DOCK4: variants seen among roughly 807,000 people sequenced by gnomAD.
DOCK4 encodes dedicator of cytokinesis protein 4.
In DOCK4, 97 loss-of-function variants were observed where a neutral mutation model predicts 268.1. The ratio of observed to expected loss-of-function variants is 0.36; its 90% CI spans 0.31 to 0.43. The LOEUF is 0.43. Among genes scored for constraint, DOCK4 ranks in the 20% least tolerant of loss-of-function variants. DOCK4 has a pLI of 1.00. For missense variants in DOCK4, 2,145 were observed against 2,455.7 expected (o/e 0.87, Z 2.67); for synonymous variants, 954 against 887.2 (o/e 1.08, Z -1.34).
intron 8 of DOCK4, among the ~76,000 whole-genome samples, chr7:111,950,047 C>T (rs1462539102): frequency 6.6e-6 from 1 of 152,224 alleles, no homozygotes; most frequent in Non-Finnish European, 1.5e-5. Context: ...CTGCCTCAGC[C>T]TCCAGAGTAG....
chr7:111,945,597 T>C, intron 9 of DOCK4, 120 bp downstream of exon 9: 1 of 789,912 alleles, frequency 1.3e-6, no homozygotes. Context: ...AATTTGTGTG[T>C]TATTTACATA....
intron 36 of DOCK4, among the ~76,000 whole-genome samples, chr7:111,776,482 T>C (rs1410838596): frequency 6.6e-6 from 1 of 152,072 alleles, no homozygotes; most frequent in Admixed American, 6.6e-5. Flanking sequence ...TAGACATTAG[T>C]GATCTGAAAA....
rs1562905619 is a variant in DOCK4, at chr7:111,933,313, T to TTG, written c.1066+2226_1066+2227insCA. On this transcript the variant is annotated intron_variant, in intron 12 of 52. Coordinates refer to ENST00000428084, the MANE Select transcript of DOCK4 (RefSeq NM_001363540.2). The stretch of plus-strand genomic sequence containing the variant: ...ATATATATATATTTTTTTTTTTTTT[T>TTG]GAGATGGAGTCTCTCTCTGTCGCCA... 1.7e-3 allele frequency among the ~76,000 whole-genome samples: 243 copies of TTG among 139,776 alleles called. 3 individuals carry two copies. The highest frequency in any genetic ancestry group is 3.0e-3 in the Admixed American group (41 of 13,858). 91.7% of individuals were successfully genotyped at this position (139,776 alleles called of 152,430 possible).
chr7:111,738,458 T>A (rs1795663470), intron 49 of DOCK4, among the ~76,000 whole-genome samples: 1 of 152,182 alleles, frequency 6.6e-6, no homozygotes, highest in East Asian at 1.9e-4. Context: ...TCAAGGGTAT[T>A]TTCCTAGTTT....
rs1414024680 is a variant in DOCK4, at chr7:112,199,711, A to G, written c.37+6391T>C. On this transcript the variant is annotated intron_variant, in intron 1 of 52. Transcript: ENST00000428084. ...AACATAAAAAAAGGTACAAAAGAATAGTGAGTGGTAAACCTACAACTGGCA... is the reference window on the plus strand; with the variant it reads ...AACATAAAAAAAGGTACAAAAGAATGGTGAGTGGTAAACCTACAACTGGCA... Among the ~76,000 whole-genome samples the G allele has an allele frequency of 2.0e-5, 3 of 152,228 alleles. No homozygotes were observed. The East Asian group carries it at 5.8e-4, about 29-fold the overall frequency.
At position 111,933,239 on chromosome 7, in the gene DOCK4, C is replaced by T. The variant is rs182080319; in HGVS notation, c.1066+2301G>A. ...ATATATACGTATATACACATATATA[C>T]GTATATATACATATATACTTATATA... On this transcript the variant is annotated intron_variant, in intron 12 of 52. Coordinates refer to ENST00000428084, the MANE Select transcript of DOCK4 (RefSeq NM_001363540.2). 3.4e-3 allele frequency among the ~76,000 whole-genome samples: 458 copies of T among 132,894 alleles called. 3 individuals carry two copies. Among genetic ancestry groups the T allele is most frequent in the Admixed American group, 6.0e-3 (78 of 13,002 alleles). 87.2% of individuals were successfully genotyped at this position (132,894 alleles called of 152,430 possible). A position where few individuals can be genotyped will look rare whatever the true frequency, so the allele number is the denominator to read the frequency against.
At chr7:111,849,960 G>A (rs554022201) in intron 23 of DOCK4, among the ~76,000 whole-genome samples, 4 of 152,114 alleles carry the variant, frequency 2.6e-5, no homozygotes, top group South Asian at 2.1e-4. Flanking sequence ...CACACACACC[G>A]TGCCCACATT....
chr7:111,824,308 A>G (rs187572924), intron 26 of DOCK4, among the ~76,000 whole-genome samples: 38 of 152,210 alleles, frequency 2.5e-4, no homozygotes, highest in Non-Finnish European at 4.9e-4. Context: ...ATATGTATAT[A>G]TATTATATAT....
At position 112,087,520 on chromosome 7, in the gene DOCK4, C is replaced by T. The variant is rs73715419; in HGVS notation, c.38-83389G>A. The stretch of plus-strand genomic sequence containing the variant: ...ATTCAATAATGACAAAGCAAAATAT[C>T]CTGCAGCTCTGGAATGTACCCTTAA... On this transcript the variant is annotated intron_variant, in intron 1 of 52. Coordinates refer to ENST00000428084, the MANE Select transcript of DOCK4 (RefSeq NM_001363540.2). 6.7e-3 allele frequency among the ~76,000 whole-genome samples: 1,012 copies of T among 152,086 alleles called. 9 individuals are homozygous for T. Among genetic ancestry groups the T allele is most frequent in the African/African-American group, 0.022 (933 of 41,500 alleles).
chr7:112,136,589 G>A (rs1383155152), intron 1 of DOCK4, among the ~76,000 whole-genome samples: 2 of 152,138 alleles, frequency 1.3e-5, no homozygotes, highest in African/African-American at 4.8e-5. Flanking sequence ...GAAGACAAAA[G>A]ACTGGATACA....
intron 25 of DOCK4, among the ~76,000 whole-genome samples, chr7:111,838,086 CAA>C (rs749907970): frequency 1.7e-3 from 51 of 29,842 alleles, no homozygotes; most frequent in African/African-American, 2.0e-3. Flanking sequence ...AACCCTACCT[CAA>C]AAAAAAAAAA....
intron 13 of DOCK4, among the ~76,000 whole-genome samples, chr7:111,909,764 C>T (rs79030622): frequency 0.016 from 2,386 of 151,944 alleles, 67 homozygotes; most frequent in African/African-American, 0.055. Flanking sequence ...GTGTTCAAGA[C>T]CAGCCTGGGC....
intron 26 of DOCK4, among the ~76,000 whole-genome samples, chr7:111,826,958 A>C (rs1802446563): frequency 6.6e-6 from 1 of 152,214 alleles, no homozygotes; most frequent in Admixed American, 6.5e-5. Flanking sequence ...AATTGGCAAG[A>C]CACAGAGAAA....
chr7:111,769,463 T>C, intron 37 of DOCK4, 66 bp downstream of exon 37: 1 of 1,581,010 alleles, frequency 6.3e-7, no homozygotes. Flanking sequence ...AAACTAGAAA[T>C]GAAAGGGAAA....
At chr7:112,055,124 T>C (rs183402187) in intron 1 of DOCK4, among the ~76,000 whole-genome samples, 7 of 152,222 alleles carry the variant, frequency 4.6e-5, no homozygotes, top group African/African-American at 1.7e-4. Flanking sequence ...TACCAAAGAC[T>C]AATTGACATA....
intron 7 of DOCK4, among the ~76,000 whole-genome samples, chr7:111,981,111 C>A (rs1351940326): frequency 6.6e-6 from 1 of 152,114 alleles, no homozygotes; most frequent in Non-Finnish European, 1.5e-5. Context: ...AAGATGCAAA[C>A]ACTTGTGTTT....
At position 111,940,235 on chromosome 7, in the gene DOCK4, C is replaced by A; in HGVS notation, c.852G>T (p.Met284Ile). 6.2e-7 allele frequency: 1 copy of A among 1,614,006 alleles called. No homozygotes were observed. ...AGGCATTCTTTTTTTCTCCTGCTCC[C>A]ATTCGACCTGTTCAATTAAAGAGCA... ...ITVHIIRIGR[M>I]GAGEKKNACS... is the part of the protein sequence containing the mutation. Residue 284 changes from methionine (M) to isoleucine (I), a missense_variant, in exon 11 of 53, where the codon ATG becomes ATT. Physicochemically the swap from Met to Ile is conservative, Grantham distance 10. This residue lies in a region of DOCK4 where 1,598 missense variants were observed against 1,986.7 expected (regional missense o/e 0.80). Coordinates refer to ENST00000428084, the MANE Select transcript of DOCK4 (RefSeq NM_001363540.2).
intron 1 of DOCK4, among the ~76,000 whole-genome samples, chr7:112,005,513 G>A (rs148660578): frequency 3.7e-4 from 57 of 152,270 alleles, no homozygotes; most frequent in African/African-American, 1.2e-3. Context: ...TCATAATGAC[G>A]TGCAAGAAGC....
chr7:111,915,890 A>C lies in DOCK4; in HGVS notation c.1081T>G (p.Leu361Val). The C allele has an allele frequency of 6.2e-7, 1 of 1,611,814 alleles. No individual in the cohort carries two copies. The highest frequency in any genetic ancestry group is 1.7e-4 in the Middle Eastern group (1 of 6,060). The change falls in exon 13 of 53, where the codon TTA becomes GTA. Residue 361 changes from leucine to valine, a missense_variant. Around this residue, in one of 2 missense-constraint regions of DOCK4, gnomAD observed 1,598 missense variants for 1,986.7 expected, o/e 0.80. Coordinates refer to ENST00000428084, the MANE Select transcript of DOCK4 (RefSeq NM_001363540.2). ...TGSNAGLAVS[L>V]QLLHGDIEQI... ...TCAATGTCTCCGTGCAATAGCTGTA[A>C]GGAAACTGCTAAACCTAAAACAGAT...
Sources: gnomAD v4.1 joint callset for allele counts (sites outside exome capture counted in the v4.1 genomes callset) on GRCh38, gnomAD v4.1.1 for gene constraint, gnomAD v4.1.1 regional missense constraint, MANE v1.5 for transcripts, NCBI Gene and HGNC (gene_info 2026-07-23, HGNC 2026-07-21) for gene names.